TMEM218: variants seen among roughly 807,000 people sequenced by gnomAD.
The protein encoded by TMEM218 is transmembrane protein 218.
TMEM218 carries 8 observed loss-of-function variants against 10.0 expected under a neutral mutation model. The observed-to-expected ratio is 0.80, with a 90% CI of 0.47 to 1.44. The LOEUF (loss-of-function observed/expected upper bound fraction) is 1.44. Ranked by LOEUF, TMEM218 falls within the 40% of genes most tolerant of loss-of-function variation. The probability of loss-of-function intolerance (pLI) is 0.00; values close to 1 mark genes in which losing one functional copy is unlikely to be tolerated. For synonymous variants in TMEM218, 66 were observed against 63.5 expected, an observed-to-expected ratio of 1.04 and a Z score of -0.18; for missense variants, 110 against 140.1, an observed-to-expected ratio of 0.79 and a Z score of 1.08.
At chr11:125,102,542 G>GT in intron 2 of TMEM218, 192 bp downstream of exon 2, 16 of 1,404,990 alleles carry the variant, frequency 1.1e-5, no homozygotes, top group Non-Finnish European at 1.5e-5. Context: ...TTTTTTCTGA[G>GT]TGTTTCCTTT....
At position 125,101,758 on chromosome 11, in the gene TMEM218, G is replaced by A. The variant is rs1950843333; in HGVS notation, c.110+374C>T. The A allele has an allele frequency of 3.1e-5, 15 of 491,288 alleles. No individual in the cohort carries two copies. The South Asian group carries it at 6.2e-4, about 20-fold the overall frequency. 30.4% of individuals were successfully genotyped at this position (491,288 alleles called of 1,614,324 possible). On this transcript the variant is annotated intron_variant, in intron 3 of 4. Transcript: ENST00000682305. ...AAGGCAATGCCTGATATAGAAAGCA[G>A]GCCCAACTCATCAAATGTTGCTTTC...
At chr11:125,101,374 G>A in intron 3 of TMEM218, 71 bp from the exon 4 acceptor site, 10 of 1,530,822 alleles carry the variant, frequency 6.5e-6, no homozygotes, top group Non-Finnish European at 8.8e-6. Context: ...GGTCTGGACA[G>A]TCTCTTCCTT....
intron 2 of TMEM218, 129 bp downstream of exon 2, chr11:125,102,605 A>C: frequency 1.5e-6 from 2 of 1,315,104 alleles, no homozygotes; most frequent in Non-Finnish European, 2.0e-6. Flanking sequence ...CCACGGGAGA[A>C]AGCTGAACCC....
rs1312677258 is a variant in TMEM218, at chr11:125,095,939, A to G, written c.*1667T>C. ...CAATTGGCAGCTTGTGCTTGTTAGGAGCCAAGCTTCCACTTGGGCTGCAGG... is the reference window on the plus strand; with the variant it reads ...CAATTGGCAGCTTGTGCTTGTTAGGGGCCAAGCTTCCACTTGGGCTGCAGG... On this transcript the variant is annotated 3_prime_UTR_variant, in exon 5 of 5. Coordinates refer to ENST00000682305, the MANE Select transcript of TMEM218 (RefSeq NM_001258244.2). Among the ~76,000 whole-genome samples the G allele has an allele frequency of 6.6e-6, 1 of 152,166 alleles. No individual in the cohort carries two copies. Among genetic ancestry groups the G allele is most frequent in the African/African-American group, 2.4e-5 (1 of 41,448 alleles).
At chr11:125,107,994 A>G (rs1185593453) in intron 1 of TMEM218, among the ~76,000 whole-genome samples, 1 of 152,054 alleles carries the variant, frequency 6.6e-6, no homozygotes, top group Non-Finnish European at 1.5e-5. Context: ...AAAAATCTCA[A>G]TTTTCCTTAA....
At chr11:125,102,391 TAGG>T in intron 2 of TMEM218, 74 bp from the exon 3 acceptor site, 1 of 1,524,804 alleles carries the variant, frequency 6.6e-7, no homozygotes, top group Non-Finnish European at 8.7e-7. Flanking sequence ...ATCAGTGTGT[TAGG>T]AGGATTACTC....
Position 125,096,241 on chromosome 11 carries a change from C to G in TMEM218, c.*1365G>C, listed in dbSNP as rs1473489016. ...GACTCTCAGTGGTTACCTGTTCTCT[C>G]TTCTTGGAATTTAGAGCTTAGTTGC... is the stretch of plus-strand genomic sequence containing the variant. On this transcript the variant is annotated 3_prime_UTR_variant, in exon 5 of 5. Coordinates refer to ENST00000682305, the MANE Select transcript of TMEM218 (RefSeq NM_001258244.2). Among the ~76,000 whole-genome samples, 1 of 151,876 alleles carries G rather than the reference C, an allele frequency of 6.6e-6. No individual in the cohort carries two copies. The highest frequency in any genetic ancestry group is 1.5e-5 in the Non-Finnish European group (1 of 67,806).
chr11:125,101,434 T>C, intron 3 of TMEM218, 131 bp from the exon 4 acceptor site: 1 of 1,529,604 alleles, frequency 6.5e-7, no homozygotes, highest in Non-Finnish European at 8.8e-7. Context: ...AGAGGCCTGC[T>C]GTCAACAACC....
intron 1 of TMEM218, among the ~76,000 whole-genome samples, chr11:125,107,952 A>C (rs1349045332): frequency 6.6e-6 from 1 of 151,820 alleles, no homozygotes; most frequent in Non-Finnish European, 1.5e-5. Flanking sequence ...CAGAGAAATA[A>C]CCTGTGTTCC....
At chr11:125,106,425 A>G (rs534113071) in intron 1 of TMEM218, among the ~76,000 whole-genome samples, 9 of 152,220 alleles carry the variant, frequency 5.9e-5, no homozygotes, top group Non-Finnish European at 1.0e-4. Context: ...CCAAATATAT[A>G]AAGCCAAAAC....
In TMEM218 at chr11:125,096,779, T is replaced by C. The variant is rs1314272685; in HGVS notation, c.*827A>G. The C allele has an allele frequency of 6.6e-6, 1 of 152,132 alleles. No homozygotes were observed. Among genetic ancestry groups the C allele is most frequent in the Non-Finnish European group, 1.5e-5 (1 of 68,026 alleles). 9.4% of individuals were successfully genotyped at this position (152,132 alleles called of 1,614,324 possible). On this transcript the variant is annotated 3_prime_UTR_variant, in exon 5 of 5. Coordinates refer to ENST00000682305, the MANE Select transcript of TMEM218 (RefSeq NM_001258244.2). ...GACAGGTATAGAGTTATATCTGATG[T>C]TGAGAATATACCTTCCTCACTAGCT...
rs1412183330 is a variant in TMEM218, at chr11:125,097,281, A to G, written c.*325T>C. 1 of 190,006 alleles carries G rather than the reference A, an allele frequency of 5.3e-6. No homozygotes were observed. Among genetic ancestry groups the G allele is most frequent in the Non-Finnish European group, 1.1e-5 (1 of 93,672 alleles). 11.8% of individuals were successfully genotyped at this position (190,006 alleles called of 1,614,324 possible). ...CCAGGTGCTTTTTTCCCCAAAATCC[A>G]CTTACTAAGGACTTGAGTGAAAATC... On this transcript the variant is annotated 3_prime_UTR_variant, in exon 5 of 5. Coordinates refer to ENST00000682305, the MANE Select transcript of TMEM218 (RefSeq NM_001258244.2).
intron 2 of TMEM218, 49 bp from the exon 3 acceptor site, chr11:125,102,366 G>A: frequency 3.3e-6 from 5 of 1,529,780 alleles, no homozygotes; most frequent in Non-Finnish European, 4.4e-6. Flanking sequence ...ACTCATTACA[G>A]GTTATTTTTT....
intron 1 of TMEM218, among the ~76,000 whole-genome samples, chr11:125,109,151 A>G (rs1490842501): frequency 6.6e-6 from 1 of 152,226 alleles, no homozygotes. Context: ...CTTAAAATGA[A>G]TGAAATTGAT....
In TMEM218 at chr11:125,108,008, A is replaced by G. The variant is rs1952702909; in HGVS notation, c.-153+3531T>C. Among the ~76,000 whole-genome samples the G allele has an allele frequency of 6.6e-6, 1 of 152,144 alleles. No homozygotes were observed. The highest frequency in any genetic ancestry group is 1.5e-5 in the Non-Finnish European group (1 of 67,984). ...AAAAAATCTCAATTTTCCTTAACCT[A>G]TAAATTCAATGCAATCCTAACCAAA... On this transcript the variant is annotated intron_variant, in intron 1 of 4. Transcript: ENST00000682305. The surrounding 1 kb of genome is among the most constrained non-coding windows in gnomAD (Gnocchi z 5.3).
chr11:125,109,079 G>A (rs543123068), intron 1 of TMEM218, among the ~76,000 whole-genome samples: 2 of 152,004 alleles, frequency 1.3e-5, no homozygotes, highest in African/African-American at 4.8e-5. Flanking sequence ...AAAACATCAG[G>A]AAAAAACCTA....
chr11:125,097,777 G>A (rs771354445), intron 4 of TMEM218, 37 bp from the exon 5 acceptor site: 4 of 1,603,656 alleles, frequency 2.5e-6, no homozygotes, highest in East Asian at 4.5e-5. Flanking sequence ...ATTACTACCA[G>A]TTAGACACCC....
intron 1 of TMEM218, among the ~76,000 whole-genome samples, chr11:125,107,394 A>G (rs1278677472): frequency 2.0e-5 from 3 of 152,312 alleles, no homozygotes; most frequent in Non-Finnish European, 4.4e-5. Context: ...TGTGTAGTAT[A>G]TGGACCCTTA....
chr11:125,097,399 G>A lies in TMEM218; in HGVS notation c.*207C>T. 1 of 486,390 alleles carries A rather than the reference G, an allele frequency of 2.1e-6. No individual in the cohort carries two copies. Among genetic ancestry groups the A allele is most frequent in the Non-Finnish European group, 3.6e-6 (1 of 279,770 alleles). 30.1% of individuals were successfully genotyped at this position (486,390 alleles called of 1,614,324 possible). On this transcript the variant is annotated 3_prime_UTR_variant, in exon 5 of 5. Transcript: ENST00000682305. ...AAGAAGATAGCAATATCCTTCTTAA[G>A]CTGGTAAGAATCTAGCCCCACAGGG...
Sources: gnomAD v4.1 joint callset for allele counts (sites outside exome capture counted in the v4.1 genomes callset) on GRCh38, gnomAD v4.1.1 for gene constraint, Gnocchi (gnomAD v3.1) non-coding constraint, MANE v1.5 for transcripts, NCBI Gene and HGNC (gene_info 2026-07-23, HGNC 2026-07-21) for gene names.